GRK4: variants seen among roughly 807,000 people sequenced by gnomAD.
GRK4 encodes the protein G protein-coupled receptor kinase 2-like.
A neutral mutation model predicts 77.9 loss-of-function variants in GRK4; 73 were observed. The observed-to-expected ratio is 0.94, with a 90% CI of 0.78 to 1.14. GRK4 has a LOEUF of 1.14. GRK4 is among the 50% of genes most tolerant of loss of function. GRK4 has a pLI of 0.00. For missense variants in GRK4, 729 were observed against 700.2 expected (o/e 1.04, Z -0.46); for synonymous variants, 257 against 254.4 (o/e 1.01, Z -0.10).
At chr4:2,983,014 G>A (rs1316216049) in intron 1 of GRK4, among the ~76,000 whole-genome samples, 4 of 152,210 alleles carry the variant, frequency 2.6e-5, no homozygotes, top group Non-Finnish European at 2.9e-5. Context: ...AGGTGCTCTG[G>A]ACATCTTGTG....
chr4:3,028,457 CT>C (rs1738237005), intron 11 of GRK4, among the ~76,000 whole-genome samples: 1 of 152,172 alleles, frequency 6.6e-6, no homozygotes, highest in Non-Finnish European at 1.5e-5. Flanking sequence ...GCTTTCCGCT[CT>C]TGCGTCTTGT....
chr4:3,024,895 A>G (rs1315535715), intron 10 of GRK4, among the ~76,000 whole-genome samples: 2 of 151,972 alleles, frequency 1.3e-5, no homozygotes, highest in Admixed American at 1.3e-4. Context: ...CAACAACAAA[A>G]CCAGTAAAAT....
At chr4:3,016,087 A>G (rs979482067) in intron 8 of GRK4, among the ~76,000 whole-genome samples, 7 of 149,352 alleles carry the variant, frequency 4.7e-5, no homozygotes, top group African/African-American at 4.9e-5. Flanking sequence ...TTTTTGTATT[A>G]TTAGTAGCGA....
chr4:3,008,802 C>CAA (rs61512480), intron 6 of GRK4, among the ~76,000 whole-genome samples: 16 of 105,010 alleles, frequency 1.5e-4, no homozygotes, highest in African/African-American at 5.1e-4. Flanking sequence ...GACTCTGTCT[C>CAA]AAAAAAAAAA....
chr4:3,038,693 G>T, intron 15 of GRK4, 180 bp downstream of exon 15: 1 of 592,952 alleles, frequency 1.7e-6, no homozygotes, highest in African/African-American at 1.8e-5. Flanking sequence ...GAACACCCTC[G>T]CAGTGAGGTT....
At chr4:2,965,348 CTGCG>C (rs1238267324) in intron 1 of GRK4, 48 of 703,074 alleles carry the variant, frequency 6.8e-5, no homozygotes, top group Non-Finnish European at 1.2e-4. Context: ...TCTCCCTTGC[CTGCG>C]TCTCAAGAGA....
chr4:3,022,472 C>T (rs1362840943), intron 10 of GRK4, 21 bp downstream of exon 10: 2 of 1,610,606 alleles, frequency 1.2e-6, no homozygotes, highest in Non-Finnish European at 1.7e-6. Context: ...AAGCCTTTCA[C>T]ATCTAATGGG....
chr4:3,028,883 T>C (rs1738352265), intron 11 of GRK4, among the ~76,000 whole-genome samples: 1 of 152,066 alleles, frequency 6.6e-6, no homozygotes, highest in Non-Finnish European at 1.5e-5. Context: ...GCGATTCTCC[T>C]GCCTCAGCTT....
At chr4:2,985,306 C>A (rs1723973167) in intron 2 of GRK4, among the ~76,000 whole-genome samples, 1 of 150,642 alleles carries the variant, frequency 6.6e-6, no homozygotes, top group Non-Finnish European at 1.5e-5. Context: ...GAGGCTGAGG[C>A]AGGAGAATGA....
At chr4:3,007,498 T>A (rs911457810) in intron 5 of GRK4, among the ~76,000 whole-genome samples, 5 of 152,136 alleles carry the variant, frequency 3.3e-5, no homozygotes, top group African/African-American at 1.2e-4. Flanking sequence ...ACACCCTCAC[T>A]CCCAAGAAGG....
At chr4:3,028,653 A>G (rs1738285238) in intron 11 of GRK4, among the ~76,000 whole-genome samples, 1 of 152,250 alleles carries the variant, frequency 6.6e-6, no homozygotes, top group Non-Finnish European at 1.5e-5. Context: ...ATGTTTAAAA[A>G]TATTAGCTTT....
intron 4 of GRK4, among the ~76,000 whole-genome samples, chr4:3,002,888 GA>G (rs1730251560): frequency 6.6e-6 from 1 of 152,144 alleles, no homozygotes; most frequent in Non-Finnish European, 1.5e-5. Context: ...ACTATCTGAA[GA>G]GGTGTGTGTG....
intron 1 of GRK4, among the ~76,000 whole-genome samples, chr4:2,978,728 T>C (rs2040061): frequency 0.36 from 55,136 of 152,000 alleles, 10,475 homozygotes; most frequent in African/African-American, 0.44. Context: ...GAGGGTCGAT[T>C]GGGCCCAGGG....
chr4:3,013,677 G>T lies in GRK4; in HGVS notation c.601-11G>T. ...GGACATAAACCTCCTTTATTTTGCT[G>T]TTTAAACTAGGTTTGCGCCTGTCAA... On this transcript the variant is annotated splice_polypyrimidine_tract_variant and intron_variant, in intron 7 of 15. Transcript: ENST00000398052. 1 of 1,598,740 alleles carries T rather than the reference G, an allele frequency of 6.3e-7. No individual in the cohort carries two copies. The highest frequency in any genetic ancestry group is 1.1e-5 in the South Asian group (1 of 87,336).
chr4:3,006,589 G>A lies in GRK4; in HGVS notation c.444-1147G>A, dbSNP rs148177073. On this transcript the variant is annotated intron_variant, in intron 5 of 15. Coordinates refer to ENST00000398052, the MANE Select transcript of GRK4 (RefSeq NM_182982.3). ...GACCTCAGGAGTTCGAGACCAGCCT[G>A]GACAACATGGTGAAACCCTGTCTGT... Among the ~76,000 whole-genome samples, 269 of 151,748 alleles carry A rather than the reference G, an allele frequency of 1.8e-3. 1 individual carries two copies. Among genetic ancestry groups the A allele is most frequent in the Non-Finnish European group, 3.3e-3 (227 of 67,952 alleles).
chr4:3,024,782 C>T lies in GRK4; in HGVS notation c.970+2331C>T, dbSNP rs532667523. 3.9e-5 allele frequency among the ~76,000 whole-genome samples: 6 copies of T among 152,154 alleles called. No individual in the cohort carries two copies. In the South Asian group the frequency reaches 6.2e-4, roughly 16 times the overall value. On this transcript the variant is annotated intron_variant, in intron 10 of 15. Coordinates refer to ENST00000398052, the MANE Select transcript of GRK4 (RefSeq NM_182982.3). ...CCGAGGCAGGAGAATCGCTTGAACC[C>T]GGGCGGCAGAGGTTGCAGTGAGCCG...
chr4:3,028,059 GAAC>G, intron 11 of GRK4, 58 bp downstream of exon 11: 1 of 1,462,706 alleles, frequency 6.8e-7, no homozygotes, highest in Non-Finnish European at 9.6e-7. Context: ...GAGTGCCTCA[GAAC>G]ACAGAGAAAT....
chr4:3,022,369 T>G (rs775083242), intron 9 of GRK4, 45 bp from the exon 10 acceptor site: 7 of 1,598,402 alleles, frequency 4.4e-6, no homozygotes, highest in Admixed American at 3.4e-5. Context: ...GGAATCACAG[T>G]GCCAACTTCT....
chr4:3,009,687 T>C lies in GRK4; in HGVS notation c.576T>C (p.Val192=), dbSNP rs777557792. 2 of 1,613,872 alleles carry C rather than the reference T, an allele frequency of 1.2e-6. No homozygotes were observed. Among genetic ancestry groups the C allele is most frequent in the Non-Finnish European group, 1.7e-6 (2 of 1,179,836 alleles). ...AGAACACATTTAGACATTACAGAGT[T>C]CTAGGAAAAGGCGGATTTGGAGAGG... is the stretch of plus-strand genomic sequence containing the variant. ...VTKNTFRHYR[V]LGKGGFGEVC... The change falls in exon 7 of 16, where the codon GTT becomes GTC. Residue 192 remains valine (V), a synonymous_variant. Coordinates refer to ENST00000398052, the MANE Select transcript of GRK4 (RefSeq NM_182982.3).
Sources: allele counts gnomAD v4.1 joint callset (sites outside exome capture counted in the v4.1 genomes callset), GRCh38; gene constraint gnomAD v4.1.1; transcripts MANE v1.5; gene names NCBI Gene and HGNC (gene_info 2026-07-23, HGNC 2026-07-21).